L3MBTL4: variants seen among roughly 807,000 people sequenced by gnomAD.
L3MBTL4 encodes L3MBTL histone methyl-lysine binding protein 4.
Under a neutral mutation model 84.5 loss-of-function variants are expected in L3MBTL4, and 70 were observed. The observed-to-expected ratio is 0.83, with a 90% CI of 0.68 to 1.01. L3MBTL4 has a LOEUF of 1.01. Ranked by LOEUF, L3MBTL4 falls within the 50% of genes least tolerant of loss-of-function variation. L3MBTL4 has a pLI of 0.00. For missense variants in L3MBTL4, 715 were observed against 754.8 expected, an observed-to-expected ratio of 0.95 and a Z score of 0.62; for synonymous variants, 274 against 259.8, an observed-to-expected ratio of 1.05 and a Z score of -0.52.
At chr18:6,154,322 C>G (rs1052676539) in intron 13 of L3MBTL4, among the ~76,000 whole-genome samples, 18 of 152,122 alleles carry the variant, frequency 1.2e-4, no homozygotes, top group Non-Finnish European at 2.2e-4. Flanking sequence ...TAAAAGATAG[C>G]AAGGGTAGTC....
At chr18:6,342,154 A>G (rs371781170) in intron 1 of L3MBTL4, among the ~76,000 whole-genome samples, 1 of 152,214 alleles carries the variant, frequency 6.6e-6, no homozygotes, top group Admixed American at 6.5e-5. Context: ...GTTTAAACAA[A>G]AGGACACTAA....
At chr18:6,226,565 A>G (rs908848797) in intron 10 of L3MBTL4, among the ~76,000 whole-genome samples, 1 of 152,188 alleles carries the variant, frequency 6.6e-6, no homozygotes, top group Non-Finnish European at 1.5e-5. Context: ...AAAAATAGTC[A>G]TCTAGAACTA....
intron 16 of L3MBTL4, among the ~76,000 whole-genome samples, chr18:6,066,028 T>G (rs1389740196): frequency 1.3e-5 from 2 of 152,130 alleles, no homozygotes; most frequent in Non-Finnish European, 2.9e-5. Flanking sequence ...GCTTTTGCTG[T>G]ATCCCAGAGG....
intron 1 of L3MBTL4, among the ~76,000 whole-genome samples, chr18:6,314,688 A>G (rs1208505467): frequency 6.6e-6 from 1 of 152,212 alleles, no homozygotes; most frequent in Non-Finnish European, 1.5e-5. Context: ...GCCAAATACT[A>G]AGGAGATAAA....
At chr18:6,150,246 T>C (rs1310079076) in intron 13 of L3MBTL4, among the ~76,000 whole-genome samples, 1 of 152,102 alleles carries the variant, frequency 6.6e-6, no homozygotes, top group East Asian at 1.9e-4. Flanking sequence ...TGAAACATAC[T>C]CCCAAGTGGA....
At chr18:6,371,326 C>T (rs986640398) in intron 1 of L3MBTL4, among the ~76,000 whole-genome samples, 3 of 152,142 alleles carry the variant, frequency 2.0e-5, no homozygotes, top group South Asian at 4.2e-4. Context: ...ACACACAGAG[C>T]GGAGTTCTGG....
chr18:6,343,661 C>CAA (rs1192917126), intron 1 of L3MBTL4, among the ~76,000 whole-genome samples: 1,298 of 85,760 alleles, frequency 0.015, 38 homozygotes, highest in African/African-American at 0.046. Flanking sequence ...GACACCATAT[C>CAA]AAAAAAAAAA....
chr18:6,043,801 T>G (rs1199701663), intron 16 of L3MBTL4, among the ~76,000 whole-genome samples: 1 of 152,250 alleles, frequency 6.6e-6, no homozygotes, highest in Non-Finnish European at 1.5e-5. Flanking sequence ...CCAATACTTG[T>G]GCTCTTAACC....
intron 4 of L3MBTL4, among the ~76,000 whole-genome samples, chr18:6,278,921 A>G (rs549540234): frequency 1.3e-5 from 2 of 152,260 alleles, no homozygotes; most frequent in Non-Finnish European, 1.5e-5. Context: ...TTTAGTAATT[A>G]AACTTAAGAT....
chr18:6,402,475 AT>A (rs1239297310), intron 1 of L3MBTL4, among the ~76,000 whole-genome samples: 1 of 152,210 alleles, frequency 6.6e-6, no homozygotes, highest in Non-Finnish European at 1.5e-5. Flanking sequence ...TAACATCCAT[AT>A]AAGTGGTCAC....
At chr18:6,196,210 T>C (rs1225959504) in intron 12 of L3MBTL4, among the ~76,000 whole-genome samples, 2 of 147,242 alleles carry the variant, frequency 1.4e-5, no homozygotes, top group South Asian at 2.1e-4. Context: ...CAGGCTGTAC[T>C]GCAGTGGCAT....
chr18:6,407,253 T>G (rs2055774128), intron 1 of L3MBTL4, among the ~76,000 whole-genome samples: 1 of 152,220 alleles, frequency 6.6e-6, no homozygotes. Flanking sequence ...ACTGCTGAAG[T>G]GGGGACGCTC....
chr18:6,017,378 G>A (rs1040195989), intron 16 of L3MBTL4, among the ~76,000 whole-genome samples: 2 of 152,240 alleles, frequency 1.3e-5, no homozygotes, highest in Non-Finnish European at 2.9e-5. Context: ...GTCTCCTCTT[G>A]ACACTGACGC....
intron 1 of L3MBTL4, chr18:6,397,950 T>C (rs529188315): frequency 6.6e-6 from 1 of 152,144 alleles, no homozygotes; most frequent in Non-Finnish European, 1.5e-5. Context: ...TCACTAAACA[T>C]TGCCACCTGC....
intron 1 of L3MBTL4, among the ~76,000 whole-genome samples, chr18:6,352,939 T>C (rs1323920753): frequency 6.6e-6 from 1 of 152,218 alleles, no homozygotes; most frequent in Non-Finnish European, 1.5e-5. Context: ...TTTATATAAA[T>C]TCTTATTTTA....
At chr18:5,969,370 G>T in intron 17 of L3MBTL4, 23 bp downstream of exon 17, 3 of 1,613,004 alleles carry the variant, frequency 1.9e-6, no homozygotes, top group Non-Finnish European at 2.5e-6. Flanking sequence ...CCCCAGCCCT[G>T]GCCCCCCAGC....
intron 16 of L3MBTL4, among the ~76,000 whole-genome samples, chr18:6,042,783 A>G (rs1318566608): frequency 6.6e-6 from 1 of 152,164 alleles, no homozygotes; most frequent in Non-Finnish European, 1.5e-5. Flanking sequence ...TCACATCCAG[A>G]TGCAGGAGTT....
intron 15 of L3MBTL4, among the ~76,000 whole-genome samples, chr18:6,084,054 A>G (rs2031063345): frequency 6.6e-6 from 1 of 152,162 alleles, no homozygotes; most frequent in South Asian, 2.1e-4. Flanking sequence ...ATGAAGTAGG[A>G]AATATTAATC....
At chr18:6,229,559 T>C (rs772854263) in intron 10 of L3MBTL4, among the ~76,000 whole-genome samples, 14 of 152,150 alleles carry the variant, frequency 9.2e-5, no homozygotes, top group Non-Finnish European at 1.6e-4. Flanking sequence ...CCAAATCCAA[T>C]GTCATGAAGC....
Sources: allele counts gnomAD v4.1 joint callset (sites outside exome capture counted in the v4.1 genomes callset), GRCh38; gene constraint gnomAD v4.1.1; transcripts MANE v1.5; gene names NCBI Gene and HGNC (gene_info 2026-07-23, HGNC 2026-07-21).